Variants in KPNA1 observed in about 807,000 individuals in gnomAD.
KPNA1 encodes the protein karyopherin subunit alpha 1.
A neutral mutation model predicts 70.5 loss-of-function variants in KPNA1; 10 were observed. That is an observed-to-expected ratio of 0.14 (90% confidence interval 0.09 to 0.24). KPNA1 has a LOEUF of 0.24. Ranked by LOEUF, KPNA1 falls within the 10% of genes least tolerant of loss-of-function variation. KPNA1 has a pLI of 1.00. For synonymous variants in KPNA1, 192 were observed against 221.9 expected (o/e 0.87, Z 1.20); for missense variants, 397 against 637.9 (o/e 0.62, Z 4.07).
chr3:122,498,543 A>G (rs2076788952), intron 1 of KPNA1, among the ~76,000 whole-genome samples: 1 of 152,224 alleles, frequency 6.6e-6, no homozygotes, highest in Non-Finnish European at 1.5e-5. Flanking sequence ...CCTTGCTGAC[A>G]ACCAGCTGAC....
chr3:122,512,279 G>A (rs1162825999), intron 1 of KPNA1, among the ~76,000 whole-genome samples: 2 of 151,836 alleles, frequency 1.3e-5, no homozygotes, highest in Non-Finnish European at 1.5e-5. Flanking sequence ...TATTTTATAG[G>A]AACCAATACA....
intron 2 of KPNA1, among the ~76,000 whole-genome samples, chr3:122,496,145 T>C (rs1234183711): frequency 6.6e-6 from 1 of 152,196 alleles, no homozygotes; most frequent in Middle Eastern, 3.2e-3. Context: ...AAGAAGAAAG[T>C]TGCACCCTTA....
chr3:122,514,247 G>A (rs1426626242), intron 1 of KPNA1, among the ~76,000 whole-genome samples: 1 of 151,066 alleles, frequency 6.6e-6, no homozygotes, highest in Non-Finnish European at 1.5e-5. Flanking sequence ...CCGGGCCGCC[G>A]GCTCCGACCC....
intron 10 of KPNA1, among the ~76,000 whole-genome samples, chr3:122,438,059 C>T (rs1181194038): frequency 1.3e-5 from 2 of 152,164 alleles, no homozygotes; most frequent in Non-Finnish European, 1.5e-5. Flanking sequence ...ATCTGTGTCC[C>T]CACCCAAATC....
chr3:122,464,907 T>C (rs962036542), intron 3 of KPNA1, among the ~76,000 whole-genome samples: 2 of 152,226 alleles, frequency 1.3e-5, no homozygotes, highest in Admixed American at 6.5e-5. Flanking sequence ...GGGGAATATA[T>C]GACGCATTCT....
At chr3:122,452,765 C>A (rs922610052) in intron 6 of KPNA1, among the ~76,000 whole-genome samples, 1 of 142,296 alleles carries the variant, frequency 7.0e-6, no homozygotes, top group African/African-American at 2.7e-5. Context: ...GAAGGAGAGA[C>A]GGAGAGAAGG....
chr3:122,465,273 T>C (rs1456583464), intron 3 of KPNA1, among the ~76,000 whole-genome samples: 1 of 152,190 alleles, frequency 6.6e-6, no homozygotes. Flanking sequence ...CCATCATAAG[T>C]TGAAAATATT....
intron 3 of KPNA1, among the ~76,000 whole-genome samples, chr3:122,465,456 A>G (rs960803367): frequency 3.3e-5 from 5 of 152,222 alleles, no homozygotes; most frequent in African/African-American, 1.2e-4. Flanking sequence ...TTAATACTGT[A>G]CTGAAAATGA....
chr3:122,438,390 G>GT (rs762256049), intron 10 of KPNA1, among the ~76,000 whole-genome samples: 4,935 of 138,582 alleles, frequency 0.036, 209 homozygotes, highest in African/African-American at 0.1. Flanking sequence ...TTTCTTTTTT[G>GT]TTTTTTTTTT....
intron 2 of KPNA1, among the ~76,000 whole-genome samples, chr3:122,490,872 A>T (rs2076690678): frequency 1.3e-5 from 2 of 152,172 alleles, no homozygotes; most frequent in African/African-American, 4.8e-5. Flanking sequence ...TTCTTAAACT[A>T]AAAGTATCAG....
intron 1 of KPNA1, among the ~76,000 whole-genome samples, chr3:122,503,156 C>G (rs2076849197): frequency 6.6e-6 from 1 of 151,838 alleles, no homozygotes; most frequent in Non-Finnish European, 1.5e-5. Context: ...CCAACAAAAC[C>G]AAAAACCTAA....
At chr3:122,452,524 G>C (rs144815286) in intron 6 of KPNA1, among the ~76,000 whole-genome samples, 1 of 44,382 alleles carries the variant, frequency 2.3e-5, no homozygotes, top group Non-Finnish European at 5.1e-5. Context: ...GAGGGAAGGA[G>C]GGAAGGAGGG....
rs533003224 is a variant in KPNA1, at chr3:122,485,367, T to C, written c.129+11070A>G. Among the ~76,000 whole-genome samples the C allele has an allele frequency of 9.9e-5, 15 of 151,888 alleles. No homozygotes were observed. In the South Asian group the frequency reaches 2.9e-3, roughly 29 times the overall value. ...GTCCAGAAACAGACCTATACAGATATGGTCAACGGTAAGTGTTTCCAAGGA... is the reference window on the plus strand; with the variant it reads ...GTCCAGAAACAGACCTATACAGATACGGTCAACGGTAAGTGTTTCCAAGGA... On this transcript the variant is annotated intron_variant, in intron 2 of 13. Coordinates refer to ENST00000344337, the MANE Select transcript of KPNA1 (RefSeq NM_002264.4).
At chr3:122,486,467 G>A (rs527904288) in intron 2 of KPNA1, among the ~76,000 whole-genome samples, 12 of 152,326 alleles carry the variant, frequency 7.9e-5, no homozygotes, top group Admixed American at 1.3e-4. Context: ...CTAAAAAGGT[G>A]CACTAGGAAA....
intron 10 of KPNA1, 132 bp downstream of exon 10, chr3:122,441,906 T>TTA: frequency 1.3e-6 from 1 of 783,066 alleles, no homozygotes. Context: ...CGGCCCAACA[T>TTA]TTTTAAACAT....
intron 2 of KPNA1, among the ~76,000 whole-genome samples, chr3:122,471,476 C>G (rs1190364404): frequency 6.6e-6 from 1 of 152,098 alleles, no homozygotes; most frequent in Non-Finnish European, 1.5e-5. Flanking sequence ...TACAAGAAAC[C>G]CACTTTAAAT....
chr3:122,454,452 T>C (rs1320943817), intron 5 of KPNA1, among the ~76,000 whole-genome samples: 3 of 152,224 alleles, frequency 2.0e-5, no homozygotes, highest in Non-Finnish European at 4.4e-5. Context: ...AGAAAGGTGA[T>C]GGTAACTAGG....
intron 1 of KPNA1, among the ~76,000 whole-genome samples, chr3:122,512,972 T>C (rs28497203): frequency 0.12 from 18,183 of 152,270 alleles, 1,305 homozygotes; most frequent in East Asian, 0.32. Flanking sequence ...ATATTAGCTT[T>C]CCCTGCTACA....
chr3:122,479,791 G>A (rs2076549937), intron 2 of KPNA1, among the ~76,000 whole-genome samples: 1 of 151,890 alleles, frequency 6.6e-6, no homozygotes, highest in Admixed American at 6.6e-5. Context: ...CTCTTCCATA[G>A]GATCAGCAAC....
Sources: gnomAD v4.1 joint callset for allele counts (sites outside exome capture counted in the v4.1 genomes callset) on GRCh38, gnomAD v4.1.1 for gene constraint, MANE v1.5 for transcripts, NCBI Gene and HGNC (gene_info 2026-07-23, HGNC 2026-07-21) for gene names.